CRACDL: variants seen among roughly 807,000 people sequenced by gnomAD.
CRACDL encodes CRACD like, also known as CRACD-like protein.
A neutral mutation model predicts 70.6 loss-of-function variants in CRACDL; 26 were observed. That is an observed-to-expected ratio of 0.37 (90% CI 0.27 to 0.51). CRACDL has a LOEUF of 0.51. CRACDL is among the 20% of genes least tolerant of loss of function. The probability of loss-of-function intolerance (pLI) is 0.94; values close to 1 mark genes in which losing one functional copy is unlikely to be tolerated. For synonymous variants in CRACDL, 618 were observed against 615.2 expected (o/e 1.00, Z -0.07); for missense variants, 1,283 against 1,376.9 (o/e 0.93, Z 1.08).
chr2:98,852,163 G>C (rs1172179259), intron 1 of CRACDL, among the ~76,000 whole-genome samples: 2 of 152,126 alleles, frequency 1.3e-5, no homozygotes, highest in East Asian at 3.9e-4. Context: ...AAAAACTTCA[G>C]AGAGAGGAGC....
chr2:98,888,057 T>A (rs1483544219), intron 1 of CRACDL, among the ~76,000 whole-genome samples: 1 of 152,222 alleles, frequency 6.6e-6, no homozygotes, highest in Admixed American at 6.5e-5. Context: ...ATGATTAATT[T>A]TATGTTACAT....
At chr2:98,931,339 A>AG (rs1709068569) in intron 1 of CRACDL, among the ~76,000 whole-genome samples, 1 of 151,602 alleles carries the variant, frequency 6.6e-6, no homozygotes, top group East Asian at 1.9e-4. Context: ...AAAAAAAAAA[A>AG]AAAAAAGACA....
chr2:98,816,358 T>C (rs1488295075), intron 7 of CRACDL, among the ~76,000 whole-genome samples: 1 of 152,158 alleles, frequency 6.6e-6, no homozygotes, highest in African/African-American at 2.4e-5. Context: ...TTTAAAGTGG[T>C]AGGATTACGA....
Position 98,823,543 on chromosome 2 carries a change from A to G in CRACDL, c.736-6T>C. 2.6e-6 allele frequency: 4 copies of G among 1,562,610 alleles called. No homozygotes were observed. Among genetic ancestry groups the G allele is most frequent in the Non-Finnish European group, 1.7e-6 (2 of 1,161,680 alleles). The stretch of plus-strand genomic sequence containing the variant: ...AGGGATTCAGACTGAGCGCGCTGAG[A>G]GAAATAAAGATAAAAAGCATCGTCG... On this transcript the variant is annotated splice_region_variant and splice_polypyrimidine_tract_variant and intron_variant, in intron 6 of 9. Coordinates refer to ENST00000397899, the MANE Select transcript of CRACDL (RefSeq NM_207362.3). The surrounding 1 kb of genome is among the most constrained non-coding windows in gnomAD (Gnocchi z 4.0).
chr2:98,801,343 G>T (rs563554579), intron 7 of CRACDL, among the ~76,000 whole-genome samples: 2 of 152,340 alleles, frequency 1.3e-5, no homozygotes, highest in South Asian at 4.1e-4. Context: ...AGATGCCTGA[G>T]ATTCCACCTG....
At chr2:98,808,636 T>A (rs542460080) in intron 7 of CRACDL, among the ~76,000 whole-genome samples, 4 of 152,128 alleles carry the variant, frequency 2.6e-5, no homozygotes, top group African/African-American at 4.8e-5. Context: ...GGGCTGCCCA[T>A]GCTATGGGTC....
At chr2:98,806,525 C>T (rs772005433) in intron 7 of CRACDL, among the ~76,000 whole-genome samples, 55 of 151,790 alleles carry the variant, frequency 3.6e-4, no homozygotes, top group Non-Finnish European at 3.4e-4. Context: ...CCGGGCTCAA[C>T]GGCACAGAGT....
intron 7 of CRACDL, among the ~76,000 whole-genome samples, chr2:98,814,517 A>C (rs1333237385): frequency 6.6e-6 from 1 of 152,228 alleles, no homozygotes; most frequent in Non-Finnish European, 1.5e-5. Flanking sequence ...CATTAAGGGC[A>C]GAGAACAAGC....
At chr2:98,818,493 T>C (rs1575341846) in intron 7 of CRACDL, among the ~76,000 whole-genome samples, 1 of 152,282 alleles carries the variant, frequency 6.6e-6, no homozygotes, top group Admixed American at 6.5e-5. Flanking sequence ...CATCCAACTT[T>C]ACTGTACATG....
At chr2:98,846,561 T>A (rs1309423347) in intron 2 of CRACDL, among the ~76,000 whole-genome samples, 170 bp downstream of exon 2, 1 of 152,200 alleles carries the variant, frequency 6.6e-6, no homozygotes, top group Non-Finnish European at 1.5e-5. Flanking sequence ...TTAAATAATG[T>A]GCATGTGCCC....
At position 98,899,431 on chromosome 2, in the gene CRACDL, G is replaced by A. The variant is rs374155938; in HGVS notation, c.-11+36507C>T. ...ACCAGAAAGAGAAGAATGTTCTTAC[G>A]GCAGTGCAGGAGCAGGTGCCAAGTG... On this transcript the variant is annotated intron_variant, in intron 1 of 9. Coordinates refer to ENST00000397899, the MANE Select transcript of CRACDL (RefSeq NM_207362.3). Among the ~76,000 whole-genome samples, 13 of 152,362 alleles carry A rather than the reference G, an allele frequency of 8.5e-5. 1 individual carries two copies. Among genetic ancestry groups the A allele is most frequent in the Admixed American group, 3.9e-4 (6 of 15,306 alleles).
chr2:98,857,112 T>C (rs1441975436), intron 1 of CRACDL, among the ~76,000 whole-genome samples: 1 of 152,186 alleles, frequency 6.6e-6, no homozygotes, highest in Non-Finnish European at 1.5e-5. Flanking sequence ...CATCTGTCTC[T>C]CCAGGTGCAA....
At chr2:98,852,679 TA>T (rs1706528807) in intron 1 of CRACDL, among the ~76,000 whole-genome samples, 1 of 151,978 alleles carries the variant, frequency 6.6e-6, no homozygotes, top group Non-Finnish European at 1.5e-5. Context: ...CTGTAATTTC[TA>T]AAATAAAATA....
chr2:98,813,980 C>T (rs547610898), intron 7 of CRACDL, among the ~76,000 whole-genome samples: 45 of 152,206 alleles, frequency 3.0e-4, no homozygotes, highest in Middle Eastern at 3.4e-3. Context: ...AATTTATGTG[C>T]GTAGAATTGT....
chr2:98,888,536 A>T (rs1198394328), intron 1 of CRACDL, among the ~76,000 whole-genome samples: 1 of 152,226 alleles, frequency 6.6e-6, no homozygotes, highest in Non-Finnish European at 1.5e-5. Context: ...AGAAATGGCA[A>T]GGGAATTAAA....
chr2:98,851,546 C>T (rs913742783), intron 1 of CRACDL, among the ~76,000 whole-genome samples: 20 of 152,178 alleles, frequency 1.3e-4, no homozygotes, highest in Admixed American at 3.3e-4. Context: ...ACCTCCCTTT[C>T]CAACAGTGCT....
rs199685775 is a variant in CRACDL, at chr2:98,797,488, A to T, written c.2466T>A (p.Pro822=). 1.4e-5 allele frequency: 22 copies of T among 1,614,166 alleles called. No individual in the cohort carries two copies. The highest frequency in any genetic ancestry group is 1.9e-5 in the Non-Finnish European group (22 of 1,180,028). ...AATGPGADGQ[P]APPWITVTRQ... ...GAGTGACGGTGATCCAGGGTGGCGC[A>T]GGCTGCCCATCAGCTCCAGGCCCTG... is the stretch of plus-strand genomic sequence containing the variant. The change falls in exon 8 of 10, where the codon CCT becomes CCA. Residue 822 remains proline, a synonymous_variant. Transcript: ENST00000397899.
chr2:98,899,345 G>C (rs552704047), intron 1 of CRACDL, among the ~76,000 whole-genome samples: 53 of 152,370 alleles, frequency 3.5e-4, no homozygotes, highest in Non-Finnish European at 6.9e-4. Context: ...AGATACACAA[G>C]AGTCCTCATA....
intron 7 of CRACDL, among the ~76,000 whole-genome samples, chr2:98,818,174 C>T (rs936136948): frequency 1.3e-5 from 2 of 152,168 alleles, no homozygotes; most frequent in East Asian, 1.9e-4. Flanking sequence ...TTACTTCCTA[C>T]GACAGATCAG....
Sources: gnomAD v4.1 joint callset for allele counts (sites outside exome capture counted in the v4.1 genomes callset) on GRCh38, gnomAD v4.1.1 for gene constraint, Gnocchi (gnomAD v3.1) non-coding constraint, MANE v1.5 for transcripts, NCBI Gene and HGNC (gene_info 2026-07-23, HGNC 2026-07-21) for gene names.